The following CCSER1 variants were observed in gnomAD, a reference collection of about 807,000 sequenced individuals.
CCSER1 encodes the protein serine-rich coiled-coil domain-containing protein 1.
Under a neutral mutation model 82.0 loss-of-function variants are expected in CCSER1, and 41 were observed. That is an observed-to-expected ratio of 0.50 (90% CI 0.39 to 0.65). The LOEUF (loss-of-function observed/expected upper bound fraction) is 0.65. CCSER1 is among the 30% of genes least tolerant of loss of function. The probability of loss-of-function intolerance (pLI) is 0.00; values close to 1 mark genes in which losing one functional copy is unlikely to be tolerated. For synonymous variants in CCSER1, 414 were observed against 383.9 expected (o/e 1.08, Z -0.92); for missense variants, 1,119 against 1,064.2 (o/e 1.05, Z -0.72).
At chr4:90,702,649 A>T (rs532235351) in intron 6 of CCSER1, among the ~76,000 whole-genome samples, 1 of 152,184 alleles carries the variant, frequency 6.6e-6, no homozygotes, top group East Asian at 1.9e-4. Flanking sequence ...TCAATTTCAG[A>T]GCCTGTTATT....
chr4:91,000,971 G>T (rs1023751113), intron 9 of CCSER1, among the ~76,000 whole-genome samples: 1 of 152,078 alleles, frequency 6.6e-6, no homozygotes, highest in Admixed American at 6.6e-5. Context: ...TTAATAAGGG[G>T]TGCTGAGAGA....
At chr4:91,003,288 A>T (rs1738207634) in intron 9 of CCSER1, among the ~76,000 whole-genome samples, 2 of 152,146 alleles carry the variant, frequency 1.3e-5, no homozygotes, top group South Asian at 4.1e-4. Context: ...TAGAACTCCC[A>T]AGAGTATATG....
intron 5 of CCSER1, among the ~76,000 whole-genome samples, chr4:90,479,731 A>G (rs1213303689): frequency 6.6e-6 from 1 of 152,172 alleles, no homozygotes; most frequent in African/African-American, 2.4e-5. Flanking sequence ...GCTGTATAGT[A>G]TTCTACGGTG....
chr4:90,594,814 T>G (rs1783124483), intron 5 of CCSER1, among the ~76,000 whole-genome samples: 1 of 152,018 alleles, frequency 6.6e-6, no homozygotes, highest in South Asian at 2.1e-4. Flanking sequence ...CAAGTGACCA[T>G]GTCAGAGTTA....
In CCSER1 at chr4:91,520,467, A is replaced by G. The variant is rs551528483; in HGVS notation, c.2218-78105A>G. ...TGGTCTTTGTTGTCATAACAATTACATCTTTATGTATCACAATCTATCAAC... is the reference window on the plus strand; with the variant it reads ...TGGTCTTTGTTGTCATAACAATTACGTCTTTATGTATCACAATCTATCAAC... On this transcript the variant is annotated intron_variant, in intron 10 of 10. Coordinates refer to ENST00000509176, the MANE Select transcript of CCSER1 (RefSeq NM_001145065.2). Among the ~76,000 whole-genome samples the G allele has an allele frequency of 2.0e-5, 3 of 152,236 alleles. No homozygotes were observed. In the South Asian group the frequency reaches 6.2e-4, roughly 32 times the overall value.
At chr4:90,957,123 G>A (rs1392190698) in intron 9 of CCSER1, among the ~76,000 whole-genome samples, 1 of 68,168 alleles carries the variant, frequency 1.5e-5, no homozygotes, top group African/African-American at 6.3e-5. Context: ...TTTTTTTTGA[G>A]ACAGAGTCTC....
At chr4:90,291,038 T>G (rs1293227073) in intron 1 of CCSER1, among the ~76,000 whole-genome samples, 1 of 133,380 alleles carries the variant, frequency 7.5e-6, no homozygotes, top group Non-Finnish European at 1.5e-5. Flanking sequence ...AATAATTATA[T>G]TCCTTAAAAA....
intron 9 of CCSER1, among the ~76,000 whole-genome samples, chr4:91,053,622 T>G (rs891901144): frequency 2.0e-5 from 3 of 152,146 alleles, no homozygotes; most frequent in Non-Finnish European, 4.4e-5. Context: ...ATCAATTTAT[T>G]TACATCTTAC....
intron 1 of CCSER1, chr4:90,235,221 T>C (rs995356966): frequency 3.3e-5 from 5 of 152,564 alleles, no homozygotes; most frequent in African/African-American, 9.6e-5. Context: ...GGGCTCTCCA[T>C]GTCCCAGGGT....
intron 1 of CCSER1, among the ~76,000 whole-genome samples, chr4:90,302,794 C>A (rs554451036): frequency 1.3e-5 from 2 of 149,754 alleles, no homozygotes; most frequent in South Asian, 2.1e-4. Flanking sequence ...CAGAGCAAGA[C>A]CTTGTCTCCA....
intron 9 of CCSER1, among the ~76,000 whole-genome samples, chr4:90,948,220 A>G (rs1014687071): frequency 6.6e-6 from 1 of 151,926 alleles, no homozygotes; most frequent in Non-Finnish European, 1.5e-5. Context: ...TTAGGTAAAC[A>G]TTCATTATAT....
intron 10 of CCSER1, among the ~76,000 whole-genome samples, chr4:91,538,698 C>CATATATTATGTATATATATATAT: frequency 3.1e-4 from 43 of 138,318 alleles, no homozygotes; most frequent in African/African-American, 1.1e-3. Flanking sequence ...TATATATACA[C>CATATATTATGTATATATATATAT]ATATATATAT....
intron 6 of CCSER1, among the ~76,000 whole-genome samples, chr4:90,713,334 C>A (rs991474913): frequency 6.6e-6 from 1 of 152,020 alleles, no homozygotes; most frequent in Non-Finnish European, 1.5e-5. Context: ...GCAAGGCAGG[C>A]CTGGTAGTGA....
At chr4:90,702,654 G>T (rs983020856) in intron 6 of CCSER1, among the ~76,000 whole-genome samples, 10 of 152,152 alleles carry the variant, frequency 6.6e-5, no homozygotes, top group Non-Finnish European at 1.5e-4. Context: ...TTCAGAGCCT[G>T]TTATTAGTCT....
chr4:91,134,958 G>GATTCTACTA (rs1728332964), intron 10 of CCSER1, among the ~76,000 whole-genome samples: 1 of 151,946 alleles, frequency 6.6e-6, no homozygotes, highest in Non-Finnish European at 1.5e-5. Context: ...TACTCGGGAG[G>GATTCTACTA]CTGAGGCAGG....
At position 91,604,807 on chromosome 4, in the gene CCSER1, C is replaced by T. The variant is rs976767363; in HGVS notation, c.*5750C>T. 6.6e-6 allele frequency: 1 copy of T among 151,918 alleles called. No individual in the cohort carries two copies. Among genetic ancestry groups the T allele is most frequent in the African/African-American group, 2.4e-5 (1 of 41,430 alleles). 9.4% of individuals were successfully genotyped at this position (151,918 alleles called of 1,614,324 possible). A position where few individuals can be genotyped will look rare whatever the true frequency, so the allele number is the denominator to read the frequency against. On this transcript the variant is annotated 3_prime_UTR_variant, in exon 11 of 11. Transcript: ENST00000509176. ...AAGTGAAATGAGGAATACAAATTTA[C>T]TTGTCCTAAATTTTTAAATAAAATG...
intron 8 of CCSER1, among the ~76,000 whole-genome samples, chr4:90,905,946 A>T (rs191727263): frequency 6.6e-6 from 1 of 152,290 alleles, no homozygotes; most frequent in Admixed American, 6.5e-5. Context: ...TTTAGTTCTA[A>T]TTACACAGAG....
chr4:90,295,646 T>G (rs900295667), intron 1 of CCSER1, among the ~76,000 whole-genome samples: 2 of 152,088 alleles, frequency 1.3e-5, no homozygotes, highest in African/African-American at 4.8e-5. Flanking sequence ...GATTTTAGAT[T>G]CTTTTTCTTA....
intron 10 of CCSER1, among the ~76,000 whole-genome samples, chr4:91,256,611 C>T (rs574065917): frequency 1.8e-4 from 28 of 152,006 alleles, no homozygotes; most frequent in East Asian, 7.8e-4. Flanking sequence ...TCAGACCGGC[C>T]GACACTTAGG....
Sources: allele counts gnomAD v4.1 joint callset (sites outside exome capture counted in the v4.1 genomes callset), GRCh38; gene constraint gnomAD v4.1.1; transcripts MANE v1.5; gene names NCBI Gene and HGNC (gene_info 2026-07-23, HGNC 2026-07-21).